Variants in ALK observed in about 807,000 individuals in gnomAD.
ALK encodes the protein ALK receptor tyrosine kinase.
A neutral mutation model predicts 163.1 loss-of-function variants in ALK; 74 were observed. That is an observed-to-expected ratio of 0.45 (90% CI 0.38 to 0.55). The LOEUF (loss-of-function observed/expected upper bound fraction) is 0.55, where lower values mean the gene tolerates loss of function less well. Among genes scored for constraint, ALK ranks in the 20% least tolerant of loss-of-function variants. The probability of loss-of-function intolerance (pLI) is 0.00; values close to 1 mark genes in which losing one functional copy is unlikely to be tolerated. For synonymous variants in ALK, 960 were observed against 843.2 expected (o/e 1.14, Z -2.40); for missense variants, 2,063 against 2,105.3 (o/e 0.98, Z 0.39).
intron 8 of ALK, among the ~76,000 whole-genome samples, chr2:29,316,203 T>C (rs1666832718): frequency 6.6e-6 from 1 of 152,180 alleles, no homozygotes; most frequent in South Asian, 2.1e-4. Context: ...TGGTTATTTA[T>C]TTTCCTGATA....
intron 3 of ALK, among the ~76,000 whole-genome samples, chr2:29,690,069 G>T (rs890311225): frequency 2.6e-5 from 4 of 152,180 alleles, no homozygotes; most frequent in Non-Finnish European, 5.9e-5. Context: ...GTAAGAATTT[G>T]TTAAAACAGC....
chr2:29,628,367 C>A (rs767441501), intron 3 of ALK, among the ~76,000 whole-genome samples: 4 of 152,144 alleles, frequency 2.6e-5, no homozygotes, highest in Admixed American at 2.6e-4. Flanking sequence ...TATTAAAACA[C>A]GCTATATAGC....
chr2:29,534,446 G>A (rs888503150), intron 3 of ALK, among the ~76,000 whole-genome samples: 6 of 152,162 alleles, frequency 3.9e-5, no homozygotes, highest in African/African-American at 1.4e-4. Flanking sequence ...ACAGAGTCTT[G>A]CTCCAGACTC....
At position 29,693,208 on chromosome 2, in the gene ALK, T is replaced by C. The variant is rs146119393; in HGVS notation, c.952+1642A>G. Among the ~76,000 whole-genome samples the C allele has an allele frequency of 3.7e-3, 558 of 152,294 alleles. 5 individuals are homozygous for C. The highest frequency in any genetic ancestry group is 0.012 in the African/African-American group (511 of 41,568). On this transcript the variant is annotated intron_variant, in intron 3 of 28. Transcript: ENST00000389048. ...GGTGAGAATGCAAGTGTTGTTGGTT[T>C]TGCTGTAATCTCTAATCTATGCATG...
chr2:29,311,308 G>A (rs1250966107), intron 8 of ALK, among the ~76,000 whole-genome samples: 1 of 152,152 alleles, frequency 6.6e-6, no homozygotes, highest in Non-Finnish European at 1.5e-5. Context: ...CCTAAAGGTG[G>A]GGAGGCCTTG....
At chr2:29,557,822 G>C (rs1159242927) in intron 3 of ALK, among the ~76,000 whole-genome samples, 1 of 152,130 alleles carries the variant, frequency 6.6e-6, no homozygotes. Context: ...TTTAGGGTGT[G>C]GGTTAGGGTG....
intron 3 of ALK, among the ~76,000 whole-genome samples, chr2:29,573,009 C>A (rs1268233581): frequency 6.6e-6 from 1 of 152,222 alleles, no homozygotes; most frequent in Non-Finnish European, 1.5e-5. Flanking sequence ...CATCCCGTCT[C>A]TAGTTCCAAA....
At chr2:29,257,159 G>A (rs547728802) in intron 11 of ALK, among the ~76,000 whole-genome samples, 32 of 152,008 alleles carry the variant, frequency 2.1e-4, no homozygotes, top group Non-Finnish European at 3.7e-4. Context: ...GATCTGGGAT[G>A]GGGGGCAGAG....
At chr2:29,261,960 G>A (rs1665099213) in intron 11 of ALK, among the ~76,000 whole-genome samples, 1 of 152,160 alleles carries the variant, frequency 6.6e-6, no homozygotes, top group East Asian at 1.9e-4. Context: ...TTGGTGGATG[G>A]TGGAAGGTAT....
intron 4 of ALK, among the ~76,000 whole-genome samples, chr2:29,521,066 C>T (rs1297111501): frequency 6.6e-6 from 1 of 152,174 alleles, no homozygotes; most frequent in Non-Finnish European, 1.5e-5. Context: ...TTCTCCTTCA[C>T]ACTCCTTTTG....
intron 2 of ALK, among the ~76,000 whole-genome samples, chr2:29,697,809 C>A (rs369710451): frequency 5.9e-5 from 9 of 152,292 alleles, no homozygotes; most frequent in East Asian, 3.9e-4. Context: ...CTACCCCAAT[C>A]TCCAAGACAA....
chr2:29,621,247 A>T (rs544819134), intron 3 of ALK, among the ~76,000 whole-genome samples: 3 of 152,280 alleles, frequency 2.0e-5, no homozygotes, highest in African/African-American at 7.2e-5. Flanking sequence ...TGAGAAAAAA[A>T]AAACAACACT....
chr2:29,511,952 A>T (rs1446723315), intron 4 of ALK, among the ~76,000 whole-genome samples: 1 of 152,182 alleles, frequency 6.6e-6, no homozygotes, highest in Non-Finnish European at 1.5e-5. Context: ...TTGGGTGGGT[A>T]CAAGTTCTTT....
In ALK at chr2:29,320,802, G is replaced by T; in HGVS notation, c.1495C>A (p.Pro499Thr). 3 of 1,614,138 alleles carry T rather than the reference G, an allele frequency of 1.9e-6. No homozygotes were observed. The highest frequency in any genetic ancestry group is 2.5e-6 in the Non-Finnish European group (3 of 1,180,004). Reference protein sequence around the residue: ...WTQGTLSPHTPQWQVRTLKDA... With the variant: ...WTQGTLSPHTTQWQVRTLKDA... Reference sequence around the variant, plus strand: ...TTTAGGGTCCTGACCTGCCATTGAGGAGTGTGGGGTGACAGTGTGCCTTGG... The same window carrying T: ...TTTAGGGTCCTGACCTGCCATTGAGTAGTGTGGGGTGACAGTGTGCCTTGG... The change falls in exon 7 of 29, where the codon CCT (proline) becomes ACT (threonine). Residue 499 changes from proline (P) to threonine (T), a missense_variant. By Grantham distance (38) the Pro-to-Thr change is conservative. This residue lies in a region of ALK where 987 missense variants were observed against 939.5 expected (regional missense o/e 1.05). Transcript: ENST00000389048.
At chr2:29,581,736 G>A (rs1573474006) in intron 3 of ALK, among the ~76,000 whole-genome samples, 2 of 151,956 alleles carry the variant, frequency 1.3e-5, no homozygotes, top group South Asian at 4.2e-4. Flanking sequence ...TCAGCCCTCT[G>A]GATCCCCAAA....
intron 4 of ALK, among the ~76,000 whole-genome samples, chr2:29,417,344 T>G (rs1413170017): frequency 6.6e-6 from 1 of 152,208 alleles, no homozygotes; most frequent in African/African-American, 2.4e-5. Flanking sequence ...GCTAATCAAC[T>G]TTTGAAACAT....
chr2:29,691,481 A>C (rs1558444273), intron 3 of ALK, among the ~76,000 whole-genome samples: 1 of 152,228 alleles, frequency 6.6e-6, no homozygotes, highest in Non-Finnish European at 1.5e-5. Flanking sequence ...TGATGCTAAC[A>C]GTGATGACTT....
At chr2:29,918,239 T>G (rs912322467) in intron 1 of ALK, among the ~76,000 whole-genome samples, 2 of 152,214 alleles carry the variant, frequency 1.3e-5, no homozygotes, top group African/African-American at 4.8e-5. Flanking sequence ...TGATACAGAC[T>G]GCTGGATTCT....
At chr2:29,514,526 G>A (rs1372966487) in intron 4 of ALK, among the ~76,000 whole-genome samples, 1 of 152,078 alleles carries the variant, frequency 6.6e-6, no homozygotes, top group Non-Finnish European at 1.5e-5. Context: ...CCTGGTTTTT[G>A]GAGTTTGGAA....
Sources: gnomAD v4.1 joint callset for allele counts (sites outside exome capture counted in the v4.1 genomes callset) on GRCh38, gnomAD v4.1.1 for gene constraint, gnomAD v4.1.1 regional missense constraint, MANE v1.5 for transcripts, NCBI Gene and HGNC (gene_info 2026-07-23, HGNC 2026-07-21) for gene names.